GRIA4: variants seen among roughly 807,000 people sequenced by gnomAD.
GRIA4 encodes the protein glutamate receptor 4.
A neutral mutation model predicts 104.0 loss-of-function variants in GRIA4; 34 were observed. The observed-to-expected ratio is 0.33, with a 90% CI of 0.25 to 0.44. GRIA4 has a LOEUF of 0.44. Among genes scored for constraint, GRIA4 ranks in the 20% least tolerant of loss-of-function variants. The pLI is 1.00. For synonymous variants in GRIA4, 386 were observed against 381.9 expected (o/e 1.01, Z -0.13); for missense variants, 750 against 1,096.5 (o/e 0.68, Z 4.46).
intron 4 of GRIA4, among the ~76,000 whole-genome samples, chr11:105,835,766 G>C (rs957120090): frequency 6.6e-6 from 1 of 152,050 alleles, no homozygotes; most frequent in South Asian, 2.1e-4. Context: ...TGATAGTTAA[G>C]AGAGTGATGT....
chr11:105,800,698 T>C (rs555664372), intron 4 of GRIA4, among the ~76,000 whole-genome samples: 28 of 152,170 alleles, frequency 1.8e-4, no homozygotes, highest in African/African-American at 6.5e-4. Flanking sequence ...ATTTCCATAG[T>C]AAGCAAACTG....
intron 3 of GRIA4, among the ~76,000 whole-genome samples, chr11:105,685,444 A>G (rs1299360979): frequency 2.0e-5 from 3 of 152,186 alleles, no homozygotes; most frequent in South Asian, 4.1e-4. Context: ...TCAAATTATT[A>G]TGTTAGATTA....
chr11:105,703,169 G>T (rs1953566184), intron 3 of GRIA4, among the ~76,000 whole-genome samples: 1 of 152,098 alleles, frequency 6.6e-6, no homozygotes, highest in Admixed American at 6.6e-5. Flanking sequence ...ACTTGTTATT[G>T]TTGCTTTAGA....
intron 4 of GRIA4, among the ~76,000 whole-genome samples, chr11:105,756,759 GA>G (rs148660499): frequency 0.68 from 102,670 of 150,218 alleles, 35,201 homozygotes; most frequent in African/African-American, 0.78. Context: ...AGACTCTCAG[GA>G]AAAAAAAAAA....
intron 4 of GRIA4, among the ~76,000 whole-genome samples, chr11:105,855,453 T>C (rs988796192): frequency 1.3e-5 from 2 of 152,056 alleles, no homozygotes; most frequent in African/African-American, 4.8e-5. Flanking sequence ...TAAAAAAGTA[T>C]CAAATCAGAA....
chr11:105,758,478 A>C (rs1369096121), intron 4 of GRIA4, among the ~76,000 whole-genome samples: 4 of 152,162 alleles, frequency 2.6e-5, no homozygotes, highest in South Asian at 2.1e-4. Context: ...AAAGCAATAA[A>C]TTTGCAAATG....
chr11:105,635,969 C>G (rs1378610276), intron 3 of GRIA4, among the ~76,000 whole-genome samples: 1 of 152,128 alleles, frequency 6.6e-6, no homozygotes, highest in Non-Finnish European at 1.5e-5. Flanking sequence ...ACCTAGAGAG[C>G]TGAATATTTC....
At chr11:105,834,250 A>C (rs766429637) in intron 4 of GRIA4, among the ~76,000 whole-genome samples, 1 of 152,080 alleles carries the variant, frequency 6.6e-6, no homozygotes, top group African/African-American at 2.4e-5. Context: ...CAATCCTTTC[A>C]TCTCTTTTTA....
chr11:105,966,099 G>A (rs766179644), intron 14 of GRIA4: 15 of 1,377,248 alleles, frequency 1.1e-5, no homozygotes, highest in East Asian at 2.3e-5. Context: ...TAAACAGTAT[G>A]TAAAGTAATA....
chr11:105,805,004 A>G (rs1362916410), intron 4 of GRIA4, among the ~76,000 whole-genome samples: 4 of 151,990 alleles, frequency 2.6e-5, no homozygotes, highest in African/African-American at 9.7e-5. Context: ...TCATAAACTA[A>G]AGCAACTAAT....
intron 3 of GRIA4, among the ~76,000 whole-genome samples, chr11:105,665,828 T>G (rs149893335): frequency 6.2e-4 from 95 of 152,130 alleles, no homozygotes; most frequent in African/African-American, 2.3e-3. Context: ...TTCAATGAAT[T>G]TAATGCTCAT....
intron 10 of GRIA4, chr11:105,913,002 T>G: frequency 1.1e-6 from 1 of 948,560 alleles, no homozygotes; most frequent in Non-Finnish European, 1.3e-6. Flanking sequence ...GAAATTGATA[T>G]GGTGTTATTG....
At chr11:105,798,193 T>A (rs563732995) in intron 4 of GRIA4, among the ~76,000 whole-genome samples, 46 of 152,098 alleles carry the variant, frequency 3.0e-4, no homozygotes, top group Non-Finnish European at 5.3e-4. Context: ...ATGAATTAGA[T>A]AATATCATAA....
chr11:105,775,259 A>T (rs1431270929), intron 4 of GRIA4, among the ~76,000 whole-genome samples: 1 of 152,134 alleles, frequency 6.6e-6, no homozygotes, highest in African/African-American at 2.4e-5. Context: ...CCTTCATTTA[A>T]TCACATCTCC....
intron 14 of GRIA4, among the ~76,000 whole-genome samples, chr11:105,954,684 A>G (rs912137369): frequency 4.6e-5 from 7 of 152,050 alleles, no homozygotes; most frequent in Non-Finnish European, 1.0e-4. Flanking sequence ...TTTAATGGTT[A>G]TCAAACATCA....
chr11:105,817,641 A>G (rs1943431185), intron 4 of GRIA4, among the ~76,000 whole-genome samples: 1 of 152,122 alleles, frequency 6.6e-6, no homozygotes, highest in South Asian at 2.1e-4. Context: ...CCATTTCAAA[A>G]TAATTACCAA....
intron 4 of GRIA4, among the ~76,000 whole-genome samples, chr11:105,819,572 C>A (rs1943504565): frequency 6.6e-6 from 1 of 152,012 alleles, no homozygotes; most frequent in Non-Finnish European, 1.5e-5. Context: ...ATCCATAGTT[C>A]AAATATAACA....
chr11:105,853,557 T>C (rs1379524577), intron 4 of GRIA4, among the ~76,000 whole-genome samples: 1 of 152,168 alleles, frequency 6.6e-6, no homozygotes, highest in African/African-American at 2.4e-5. Context: ...CTCATTCCGA[T>C]GTCAGTAATA....
intron 3 of GRIA4, among the ~76,000 whole-genome samples, chr11:105,619,462 AT>A (rs978391570): frequency 6.6e-6 from 1 of 151,936 alleles, no homozygotes; most frequent in African/African-American, 2.4e-5. Flanking sequence ...TTTAAAAGGC[AT>A]TTTAAATAGA....
Sources: gnomAD v4.1 joint callset for allele counts (sites outside exome capture counted in the v4.1 genomes callset) on GRCh38, gnomAD v4.1.1 for gene constraint, MANE v1.5 for transcripts, NCBI Gene and HGNC (gene_info 2026-07-23, HGNC 2026-07-21) for gene names.